The following TRAPPC9 variants were observed in gnomAD, a reference collection of about 807,000 sequenced individuals.
TRAPPC9 encodes the protein trafficking protein particle complex subunit 9.
Under a neutral mutation model 124.0 loss-of-function variants are expected in TRAPPC9, and 83 were observed. That is an observed-to-expected ratio of 0.67 (90% confidence interval 0.56 to 0.80). TRAPPC9 has a LOEUF of 0.80. Among genes scored for constraint, TRAPPC9 ranks in the 30% least tolerant of loss-of-function variants. The pLI is 0.00. For synonymous variants in TRAPPC9, 638 were observed against 617.5 expected (o/e 1.03, Z -0.49); for missense variants, 1,302 against 1,508.3 (o/e 0.86, Z 2.27).
chr8:139,891,976 G>A (rs1830380135), intron 20 of TRAPPC9, among the ~76,000 whole-genome samples: 1 of 152,238 alleles, frequency 6.6e-6, no homozygotes, highest in Admixed American at 6.5e-5. Context: ...TGCGTTCTCA[G>A]CCACTGCCAA....
chr8:139,988,930 A>G lies in TRAPPC9; in HGVS notation c.2700-94T>C, dbSNP rs1587425148. Reference sequence around the variant, plus strand: ...CCTCTCCAAAGACTTCCCACCACTTAAGAAGGGCAAAGTATATCGAAATGC... The same window carrying G: ...CCTCTCCAAAGACTTCCCACCACTTGAGAAGGGCAAAGTATATCGAAATGC... On this transcript the variant is annotated intron_variant, in intron 18 of 22. Transcript: ENST00000438773. 5 of 815,994 alleles carry G rather than the reference A, an allele frequency of 6.1e-6. No homozygotes were observed. In the East Asian group the frequency reaches 1.3e-4, roughly 22 times the overall value. The allele number at this position is 815,994 out of a possible 1,614,324, so 50.5% of individuals were successfully genotyped here. A position where few individuals can be genotyped will look rare whatever the true frequency, so the allele number is the denominator to read the frequency against.
chr8:140,221,573 A>G lies in TRAPPC9; in HGVS notation c.2442T>C (p.Ser814=), dbSNP rs1264974833. ...LLQDLSDDGI[S]VSGFPLSSPF... ...GACTGGACAGGGGAAAGCCACTCAC[A>G]CTGATTCCATCTACAAAATAAGAAC... Residue 814 remains serine, a synonymous_variant, in exon 17 of 23, where the codon AGT becomes AGC. Coordinates refer to ENST00000438773, the MANE Select transcript of TRAPPC9 (RefSeq NM_001160372.4). 3 of 1,613,966 alleles carry G rather than the reference A, an allele frequency of 1.9e-6. No individual in the cohort carries two copies. Among genetic ancestry groups the G allele is most frequent in the Admixed American group, 3.3e-5 (2 of 60,008 alleles).
chr8:139,965,817 C>G (rs1835671040), intron 19 of TRAPPC9, among the ~76,000 whole-genome samples: 1 of 60,146 alleles, frequency 1.7e-5, no homozygotes, highest in Admixed American at 1.9e-4. Context: ...GAATGTGGAA[C>G]AGGTTCACTG....
At chr8:140,045,694 C>T (rs567527493) in intron 17 of TRAPPC9, among the ~76,000 whole-genome samples, 1 of 144,016 alleles carries the variant, frequency 6.9e-6, no homozygotes, top group South Asian at 2.3e-4. Context: ...TTGGAGAACA[C>T]TATACATCCT....
chr8:139,891,634 CGCTGGG>C (rs1392027257), intron 20 of TRAPPC9, among the ~76,000 whole-genome samples: 42 of 152,200 alleles, frequency 2.8e-4, no homozygotes, highest in Non-Finnish European at 4.7e-4. Context: ...CCCTGCTCCC[CGCTGGG>C]GCTCCCTGAA....
At chr8:140,255,426 A>T (rs2064228591) in intron 15 of TRAPPC9, among the ~76,000 whole-genome samples, 1 of 152,234 alleles carries the variant, frequency 6.6e-6, no homozygotes, top group Non-Finnish European at 1.5e-5. Context: ...ACCACCTTGG[A>T]TGGTGTTCAG....
intron 21 of TRAPPC9, among the ~76,000 whole-genome samples, chr8:139,853,989 A>G (rs1398867115): frequency 6.6e-6 from 1 of 152,228 alleles, no homozygotes; most frequent in African/African-American, 2.4e-5. Flanking sequence ...ATATTATTTA[A>G]TTTTATGGTT....
intron 8 of TRAPPC9, among the ~76,000 whole-genome samples, chr8:140,366,948 C>G (rs1319973717): frequency 6.6e-6 from 1 of 152,124 alleles, no homozygotes; most frequent in East Asian, 1.9e-4. Context: ...AAGAAGGTAT[C>G]CAGATGGCAA....
At chr8:140,001,083 G>C (rs1364579244) in intron 18 of TRAPPC9, among the ~76,000 whole-genome samples, 1 of 152,138 alleles carries the variant, frequency 6.6e-6, no homozygotes, top group African/African-American at 2.4e-5. Flanking sequence ...TCCTTTTCGG[G>C]GACATGGATG....
rs1158565131 is a variant in TRAPPC9, at chr8:140,221,652, TG to T, written c.2432-70del. 17 of 1,548,924 alleles carry T rather than the reference TG, an allele frequency of 1.1e-5. No individual in the cohort carries two copies. In the African/African-American group the frequency reaches 1.6e-4, roughly 15 times the overall value. On this transcript the variant is annotated intron_variant, in intron 16 of 22. Transcript: ENST00000438773. ...TTTTGGGGTTTGTTGTTGTTGTTGT[TG>T]TTTGGGACGGGTCTCGCTCTGTCGC...
intron 19 of TRAPPC9, among the ~76,000 whole-genome samples, chr8:139,973,712 C>T (rs1015863960): frequency 7.9e-5 from 12 of 152,270 alleles, no homozygotes; most frequent in Non-Finnish European, 1.8e-4. Context: ...AGGGAAAAGT[C>T]GAAGGCGGTA....
At chr8:140,368,392 C>A (rs1032700083) in intron 8 of TRAPPC9, among the ~76,000 whole-genome samples, 4 of 152,204 alleles carry the variant, frequency 2.6e-5, no homozygotes, top group African/African-American at 9.7e-5. Context: ...GCATGACAGG[C>A]TTTTATCACT....
intron 11 of TRAPPC9, among the ~76,000 whole-genome samples, chr8:140,299,061 A>G (rs1391046754): frequency 6.6e-6 from 1 of 152,242 alleles, no homozygotes; most frequent in Non-Finnish European, 1.5e-5. Flanking sequence ...CGCTGGGATC[A>G]GAGAACACCC....
chr8:140,413,956 T>C (rs1434435708), intron 5 of TRAPPC9, among the ~76,000 whole-genome samples: 1 of 151,960 alleles, frequency 6.6e-6, no homozygotes, highest in East Asian at 1.9e-4. Context: ...TTGTGAATAG[T>C]GCCGCAATAA....
At chr8:140,218,647 T>C (rs1468206678) in intron 17 of TRAPPC9, among the ~76,000 whole-genome samples, 1 of 151,898 alleles carries the variant, frequency 6.6e-6, no homozygotes, top group Admixed American at 6.6e-5. Flanking sequence ...AAAACACATG[T>C]CCAGGGGTGT....
At chr8:140,020,963 C>A (rs1256269310) in intron 18 of TRAPPC9, among the ~76,000 whole-genome samples, 1 of 152,048 alleles carries the variant, frequency 6.6e-6, no homozygotes, top group East Asian at 1.9e-4. Flanking sequence ...GTCTTTATGT[C>A]TTTTCCTTCA....
At chr8:139,786,965 G>A (rs771220207) in intron 21 of TRAPPC9, among the ~76,000 whole-genome samples, 95 of 152,226 alleles carry the variant, frequency 6.2e-4, no homozygotes, top group African/African-American at 2.1e-3. Context: ...TGGTGGTGAC[G>A]GTTTCACGGG....
chr8:140,036,526 G>A (rs1464397938), intron 17 of TRAPPC9, among the ~76,000 whole-genome samples: 6 of 152,220 alleles, frequency 3.9e-5, no homozygotes, highest in Non-Finnish European at 5.9e-5. Flanking sequence ...TACTCAAGTT[G>A]GGGAGAGAGG....
At position 140,216,763 on chromosome 8, in the gene TRAPPC9, T is replaced by G. The variant is rs576702207; in HGVS notation, c.2556+4696A>C. Among the ~76,000 whole-genome samples the G allele has an allele frequency of 6.6e-6, 1 of 152,312 alleles. No individual in the cohort carries two copies. Among genetic ancestry groups the G allele is most frequent in the Non-Finnish European group, 1.5e-5 (1 of 68,026 alleles). ...TCTGGCCTGCTAGCTCACCCCAGCT[T>G]CTTCTTCCTTCAATACTCCACTTGA... is the stretch of plus-strand genomic sequence containing the variant. On this transcript the variant is annotated intron_variant, in intron 17 of 22. Transcript: ENST00000438773. The surrounding 1 kb of genome is among the most constrained non-coding windows in gnomAD (Gnocchi z 4.1).
Sources: gnomAD v4.1 joint callset for allele counts (sites outside exome capture counted in the v4.1 genomes callset) on GRCh38, gnomAD v4.1.1 for gene constraint, Gnocchi (gnomAD v3.1) non-coding constraint, MANE v1.5 for transcripts, NCBI Gene and HGNC (gene_info 2026-07-23, HGNC 2026-07-21) for gene names.